The following TRPC7 variants were observed in gnomAD, a reference collection of about 807,000 sequenced individuals.
TRPC7 encodes transient receptor potential cation channel subfamily C member 7.
Under a neutral mutation model 90.1 loss-of-function variants are expected in TRPC7, and 42 were observed. The ratio of observed to expected loss-of-function variants is 0.47; its 90% CI spans 0.36 to 0.60. The LOEUF is 0.60. TRPC7 is among the 20% of genes least tolerant of loss of function. The probability of loss-of-function intolerance (pLI) is 0.00; values close to 1 mark genes in which losing one functional copy is unlikely to be tolerated. For synonymous variants in TRPC7, 451 were observed against 436.3 expected (o/e 1.03, Z -0.42); for missense variants, 955 against 1,112.3 (o/e 0.86, Z 2.01).
In TRPC7 at chr5:136,357,386, C is replaced by T. The variant is rs1760426684; in HGVS notation, c.3-1G>A. 1 of 1,588,464 alleles carries T rather than the reference C, an allele frequency of 6.3e-7. No homozygotes were observed. The highest frequency in any genetic ancestry group is 1.3e-5 in the African/African-American group (1 of 74,686). ...GTTTTTGAAGGTGCTGTTCCTCAAC[C>T]TATGGGACAAGGCAAAGATGCCCTG... On this transcript the variant is annotated splice_acceptor_variant, in intron 1 of 11. Coordinates refer to ENST00000513104, the MANE Select transcript of TRPC7 (RefSeq NM_020389.3). LOFTEE classifies it high-confidence loss of function.
At chr5:136,278,235 C>A (rs1373903935) in intron 3 of TRPC7, among the ~76,000 whole-genome samples, 1 of 152,214 alleles carries the variant, frequency 6.6e-6, no homozygotes, top group African/African-American at 2.4e-5. Context: ...TGCATGATCC[C>A]CTGCTGGAGA....
intron 5 of TRPC7, among the ~76,000 whole-genome samples, chr5:136,259,859 C>T (rs1313503640): frequency 2.0e-5 from 3 of 152,226 alleles, no homozygotes; most frequent in African/African-American, 7.2e-5. Context: ...CCTCACTTGG[C>T]TTCCTTGATA....
intron 10 of TRPC7, among the ~76,000 whole-genome samples, chr5:136,219,587 G>A (rs145595503): frequency 1.1e-3 from 168 of 152,230 alleles, no homozygotes; most frequent in Non-Finnish European, 2.0e-3. Context: ...GTAATATGGC[G>A]AAACCCCATC....
intron 4 of TRPC7, among the ~76,000 whole-genome samples, chr5:136,267,633 C>A (rs985211942): frequency 5.3e-5 from 8 of 152,138 alleles, no homozygotes; most frequent in Non-Finnish European, 4.4e-5. Flanking sequence ...TGATAATGTT[C>A]TTTTAATGTG....
chr5:136,338,415 T>C (rs1759735401), intron 2 of TRPC7, among the ~76,000 whole-genome samples: 1 of 152,180 alleles, frequency 6.6e-6, no homozygotes, highest in Non-Finnish European at 1.5e-5. Context: ...ATCTCACCTC[T>C]CCAGAGTTCT....
At chr5:136,300,651 A>T (rs909284908) in intron 3 of TRPC7, among the ~76,000 whole-genome samples, 3 of 152,230 alleles carry the variant, frequency 2.0e-5, no homozygotes, top group Admixed American at 6.5e-5. Context: ...CCAGAGTGAC[A>T]AACCCCAAAG....
intron 10 of TRPC7, among the ~76,000 whole-genome samples, chr5:136,223,340 G>A (rs369064200): frequency 2.6e-5 from 4 of 152,174 alleles, no homozygotes; most frequent in Non-Finnish European, 5.9e-5. Context: ...CCTGCTAGGC[G>A]TGGTGGCTCA....
At chr5:136,253,990 AT>A (rs1184995301) in intron 5 of TRPC7, among the ~76,000 whole-genome samples, 3 of 152,228 alleles carry the variant, frequency 2.0e-5, no homozygotes, top group African/African-American at 7.2e-5. Context: ...CAGCTATGGC[AT>A]TCCCTTAAGC....
At chr5:136,347,085 C>T (rs1342440247) in intron 2 of TRPC7, among the ~76,000 whole-genome samples, 1 of 152,124 alleles carries the variant, frequency 6.6e-6, no homozygotes, top group Non-Finnish European at 1.5e-5. Context: ...CAGAAACCAC[C>T]AGAAACTAGG....
intron 2 of TRPC7, among the ~76,000 whole-genome samples, chr5:136,336,658 C>T (rs1371183944): frequency 6.6e-6 from 1 of 152,080 alleles, no homozygotes; most frequent in African/African-American, 2.4e-5. Context: ...ATCCCTCCCC[C>T]TTTCCCCCGA....
At chr5:136,362,588 T>C (rs1284731924) in intron 1 of TRPC7, among the ~76,000 whole-genome samples, 2 of 152,152 alleles carry the variant, frequency 1.3e-5, no homozygotes, top group Non-Finnish European at 2.9e-5. Flanking sequence ...GTCATTCCCA[T>C]TTAACAGATG....
intron 6 of TRPC7, among the ~76,000 whole-genome samples, chr5:136,248,001 C>G (rs536868405): frequency 6.6e-4 from 101 of 152,238 alleles, no homozygotes; most frequent in African/African-American, 2.3e-3. Context: ...TTTCAGGAAG[C>G]CTTCTGTGAT....
chr5:136,301,157 G>T (rs905120061), intron 3 of TRPC7, among the ~76,000 whole-genome samples: 1 of 151,974 alleles, frequency 6.6e-6, no homozygotes, highest in African/African-American at 2.4e-5. Context: ...CTCCCGAGTA[G>T]CTGGGACTAC....
chr5:136,294,236 G>T (rs555228895), intron 3 of TRPC7, among the ~76,000 whole-genome samples: 1 of 152,258 alleles, frequency 6.6e-6, no homozygotes, highest in South Asian at 2.1e-4. Context: ...CATGGGCAAG[G>T]ACTTCATGTC....
intron 2 of TRPC7, among the ~76,000 whole-genome samples, chr5:136,341,405 T>A (rs1196704852): frequency 6.6e-6 from 1 of 152,060 alleles, no homozygotes; most frequent in Non-Finnish European, 1.5e-5. Flanking sequence ...ATTTTAATAA[T>A]TTTAAGGCAA....
chr5:136,251,629 G>C lies in TRPC7; in HGVS notation c.1579+20C>G. 1 of 1,568,284 alleles carries C rather than the reference G, an allele frequency of 6.4e-7. No individual in the cohort carries two copies. Among genetic ancestry groups the C allele is most frequent in the Non-Finnish European group, 8.7e-7 (1 of 1,149,094 alleles). On this transcript the variant is annotated intron_variant, in intron 6 of 11. Transcript: ENST00000513104. ...CCCGGAAGCGCCAAAATGGAGTAGG[G>C]GAAGCACTCTCCGACTCACCGTAGG...
chr5:136,335,174 C>T (rs1759614333), intron 2 of TRPC7, among the ~76,000 whole-genome samples: 1 of 152,124 alleles, frequency 6.6e-6, no homozygotes, highest in Non-Finnish European at 1.5e-5. Context: ...CAACAGACAC[C>T]TATCTGCTGA....
At chr5:136,234,833 T>C (rs1755936963) in intron 7 of TRPC7, among the ~76,000 whole-genome samples, 2 of 152,330 alleles carry the variant, frequency 1.3e-5, no homozygotes, top group South Asian at 4.1e-4. Flanking sequence ...AATAGACTAA[T>C]TCTGTTGCTG....
intron 10 of TRPC7, among the ~76,000 whole-genome samples, chr5:136,223,482 G>A (rs554016297): frequency 2.0e-5 from 3 of 151,842 alleles, no homozygotes; most frequent in African/African-American, 4.8e-5. Context: ...GCATGGTGGC[G>A]CATGCCTGTA....
Sources: allele counts gnomAD v4.1 joint callset (sites outside exome capture counted in the v4.1 genomes callset), GRCh38; gene constraint gnomAD v4.1.1; transcripts MANE v1.5; gene names NCBI Gene and HGNC (gene_info 2026-07-23, HGNC 2026-07-21).